ARID1B: variants seen among roughly 807,000 people sequenced by gnomAD.
The protein encoded by ARID1B is AT-rich interactive domain-containing protein 1B.
A neutral mutation model predicts 212.3 loss-of-function variants in ARID1B; 30 were observed. The ratio of observed to expected loss-of-function variants is 0.14; its 90% CI spans 0.11 to 0.19. ARID1B has a LOEUF of 0.19. ARID1B is among the 10% of genes least tolerant of loss of function. The pLI, the probability that ARID1B is intolerant of heterozygous loss-of-function variation, is 1.00. For missense variants in ARID1B, 2,891 were observed against 3,204.0 expected, an observed-to-expected ratio of 0.90 and a Z score of 2.36; for synonymous variants, 1,402 against 1,301.7, an observed-to-expected ratio of 1.08 and a Z score of -1.66.
chr6:157,185,694 T>C (rs1314485541), intron 13 of ARID1B: 1 of 152,224 alleles, frequency 6.6e-6, no homozygotes, highest in East Asian at 1.9e-4. Context: ...TGTTTACACA[T>C]AGAAGCCAGA....
At chr6:157,067,378 C>T (rs949687250) in intron 4 of ARID1B, among the ~76,000 whole-genome samples, 1 of 152,172 alleles carries the variant, frequency 6.6e-6, no homozygotes, top group Non-Finnish European at 1.5e-5. Flanking sequence ...GGGTTAATTT[C>T]CTGAGAACAA....
intron 1 of ARID1B, among the ~76,000 whole-genome samples, chr6:156,818,764 G>A (rs755868869): frequency 2.0e-5 from 3 of 152,106 alleles, no homozygotes; most frequent in South Asian, 2.1e-4. Flanking sequence ...ACAACTGCCC[G>A]CAACTCTGCA....
chr6:156,893,334 C>G (rs993493178), intron 2 of ARID1B, among the ~76,000 whole-genome samples: 2 of 152,126 alleles, frequency 1.3e-5, no homozygotes, highest in Non-Finnish European at 2.9e-5. Flanking sequence ...CTATAAAACT[C>G]TTAAAAGAAA....
rs919423757 is a variant in ARID1B, at chr6:157,201,748, C to T, written c.5263+260C>T. Reference sequence around the variant, plus strand: ...TTGGGAGGCCCAGGCGGGTGGATCACGAGGTCACGAGATCGAGACCATCCT... The same window carrying T: ...TTGGGAGGCCCAGGCGGGTGGATCATGAGGTCACGAGATCGAGACCATCCT... On this transcript the variant is annotated intron_variant, in intron 18 of 19. Coordinates refer to ENST00000636930, the MANE Select transcript of ARID1B (RefSeq NM_001374828.1). The surrounding 1 kb of genome is among the most constrained non-coding windows in gnomAD (Gnocchi z 5.2). Among the ~76,000 whole-genome samples the T allele has an allele frequency of 7.2e-5, 11 of 152,082 alleles. No individual in the cohort carries two copies. The highest frequency in any genetic ancestry group is 1.0e-4 in the Non-Finnish European group (7 of 68,020).
intron 13 of ARID1B, among the ~76,000 whole-genome samples, chr6:157,188,583 C>G (rs562829751): frequency 1.3e-5 from 2 of 152,124 alleles, no homozygotes; most frequent in Non-Finnish European, 2.9e-5. Context: ...ACATGGAAAA[C>G]GTTATTCACA....
intron 2 of ARID1B, among the ~76,000 whole-genome samples, chr6:156,892,780 G>A (rs79574783): frequency 0.016 from 2,407 of 152,266 alleles, 72 homozygotes; most frequent in African/African-American, 0.055. Context: ...ACCATATGGT[G>A]TGTTGAGAAT....
chr6:157,048,136 A>G (rs928231855), intron 4 of ARID1B, among the ~76,000 whole-genome samples: 2 of 152,182 alleles, frequency 1.3e-5, no homozygotes, highest in Non-Finnish European at 2.9e-5. Context: ...TTCCCAAGCC[A>G]TGTCAATTTT....
chr6:156,899,267 A>G (rs1278080884), intron 2 of ARID1B, among the ~76,000 whole-genome samples: 1 of 152,182 alleles, frequency 6.6e-6, no homozygotes, highest in Non-Finnish European at 1.5e-5. Flanking sequence ...GAGTCCATGT[A>G]TTTCAAACCC....
chr6:156,939,221 A>G (rs950628827), intron 4 of ARID1B: 1 of 152,206 alleles, frequency 6.6e-6, no homozygotes, highest in African/African-American at 2.4e-5. Context: ...ACGACCTCTA[A>G]TATTGGTATG....
At chr6:156,985,738 A>T (rs1185843241) in intron 4 of ARID1B, 1 of 152,220 alleles carries the variant, frequency 6.6e-6, no homozygotes, top group Non-Finnish European at 1.5e-5. Context: ...AATGTGAACC[A>T]TATGATAATA....
chr6:156,984,440 G>A (rs932393443), intron 4 of ARID1B, among the ~76,000 whole-genome samples: 2 of 152,318 alleles, frequency 1.3e-5, no homozygotes, highest in Middle Eastern at 6.8e-3. Flanking sequence ...TTCTGGATAA[G>A]TGAAAATGTC....
At chr6:157,071,415 T>C (rs1361155415) in intron 4 of ARID1B, 1 of 152,226 alleles carries the variant, frequency 6.6e-6, no homozygotes, top group East Asian at 1.9e-4. Context: ...ATTTCATTAC[T>C]TTAAGACTTC....
Position 156,865,948 on chromosome 6 carries a change from G to A in ARID1B, c.1987-35428G>A, listed in dbSNP as rs532366062. 1.5e-4 allele frequency among the ~76,000 whole-genome samples: 23 copies of A among 151,838 alleles called. No individual in the cohort carries two copies. The South Asian group carries it at 1.7e-3, about 11-fold the overall frequency. On this transcript the variant is annotated intron_variant, in intron 2 of 19. Transcript: ENST00000636930. Reference sequence around the variant, plus strand: ...CTCTGTTTTGCATAGTTTCCTTGTCGTCTAACTTGCCCTTTTCTGTTTGTT... The same window carrying A: ...CTCTGTTTTGCATAGTTTCCTTGTCATCTAACTTGCCCTTTTCTGTTTGTT...
In ARID1B at chr6:156,995,215, C is replaced by A. The variant is rs182030311; in HGVS notation, c.2247+59639C>A. On this transcript the variant is annotated intron_variant, in intron 4 of 19. Transcript: ENST00000636930. ...AAGCCTGAGGTGACGTACGAATGAGCCCCTGAAAAGTGAATTTCATTTTCT... is the reference window on the plus strand; with the variant it reads ...AAGCCTGAGGTGACGTACGAATGAGACCCTGAAAAGTGAATTTCATTTTCT... Among the ~76,000 whole-genome samples, 470 of 152,304 alleles carry A rather than the reference C, an allele frequency of 3.1e-3. 1 individual carries two copies. Among genetic ancestry groups the A allele is most frequent in the Non-Finnish European group, 5.1e-3 (346 of 68,034 alleles).
At chr6:157,096,214 C>T (rs1403226760) in intron 5 of ARID1B, among the ~76,000 whole-genome samples, 1 of 152,210 alleles carries the variant, frequency 6.6e-6, no homozygotes, top group Non-Finnish European at 1.5e-5. Context: ...GCTGCCTGAG[C>T]CCCTGGCGGG....
At chr6:156,993,080 G>C (rs1284840467) in intron 4 of ARID1B, among the ~76,000 whole-genome samples, 1 of 141,606 alleles carries the variant, frequency 7.1e-6, no homozygotes, top group Non-Finnish European at 1.5e-5. Context: ...GTCTCTCTCT[G>C]TGGCCAGGCT....
chr6:157,084,194 TATTAC>T (rs963838733), intron 4 of ARID1B, among the ~76,000 whole-genome samples: 1 of 150,444 alleles, frequency 6.6e-6, no homozygotes, highest in African/African-American at 2.4e-5. Context: ...TTGTGACTGC[TATTAC>T]ATTACAATAT....
chr6:156,858,078 G>A (rs1213053242), intron 2 of ARID1B, among the ~76,000 whole-genome samples: 1 of 152,088 alleles, frequency 6.6e-6, no homozygotes, highest in Non-Finnish European at 1.5e-5. Context: ...TTCGAACAAC[G>A]TGGATGAAAC....
intron 6 of ARID1B, among the ~76,000 whole-genome samples, chr6:157,111,952 C>G (rs561827293): frequency 2.1e-4 from 32 of 152,212 alleles, no homozygotes; most frequent in African/African-American, 7.5e-4. Context: ...TTTTAAACCT[C>G]CATTTTTGGC....
Sources: gnomAD v4.1 joint callset for allele counts (sites outside exome capture counted in the v4.1 genomes callset) on GRCh38, gnomAD v4.1.1 for gene constraint, Gnocchi (gnomAD v3.1) non-coding constraint, MANE v1.5 for transcripts, NCBI Gene and HGNC (gene_info 2026-07-23, HGNC 2026-07-21) for gene names.